GRM8: variants seen among roughly 807,000 people sequenced by gnomAD.
GRM8 encodes glutamate metabotropic receptor 8.
GRM8 carries 47 observed loss-of-function variants against 87.2 expected under a neutral mutation model. The observed-to-expected ratio is 0.54, with a 90% CI of 0.43 to 0.69. GRM8 has a LOEUF of 0.69. Among genes scored for constraint, GRM8 ranks in the 30% least tolerant of loss-of-function variants. GRM8 has a pLI of 0.00. For missense variants in GRM8, 1,019 were observed against 1,139.2 expected, an observed-to-expected ratio of 0.89 and a Z score of 1.52; for synonymous variants, 396 against 404.5, an observed-to-expected ratio of 0.98 and a Z score of 0.25.
intron 3 of GRM8, among the ~76,000 whole-genome samples, chr7:126,970,581 C>T (rs757393274): frequency 6.6e-6 from 1 of 152,116 alleles, no homozygotes; most frequent in Non-Finnish European, 1.5e-5. Context: ...ATCCAAACCA[C>T]AAAAACTTTC....
chr7:126,532,977 A>C lies in GRM8; in HGVS notation c.2405T>G (p.Phe802Cys). 6.2e-7 allele frequency: 1 copy of C among 1,612,452 alleles called. No individual in the cohort carries two copies. Among genetic ancestry groups the C allele is most frequent in the Non-Finnish European group, 8.5e-7 (1 of 1,179,140 alleles). ...IIWLAFIPIF[F>C]GTAQSAEKMY... ...CTTTTCTGCTGACTGGGCTGTACCA[A>C]AAAAGATGGGGATGAAAGCTAACCA... is the stretch of plus-strand genomic sequence containing the variant. The change falls in exon 9 of 11, where the codon TTT becomes TGT. Residue 802 changes from phenylalanine to cysteine, a missense_variant. Physicochemically the swap from Phe to Cys is radical, Grantham distance 205. Transcript: ENST00000339582.
chr7:127,111,459 T>A (rs1035949502), intron 2 of GRM8, among the ~76,000 whole-genome samples: 3 of 152,116 alleles, frequency 2.0e-5, no homozygotes, highest in Non-Finnish European at 4.4e-5. Flanking sequence ...CTTGAAATGG[T>A]AAGTGAAGCT....
chr7:127,061,027 A>G (rs1339688702), intron 3 of GRM8, among the ~76,000 whole-genome samples: 1 of 152,212 alleles, frequency 6.6e-6, no homozygotes, highest in African/African-American at 2.4e-5. Flanking sequence ...GCCTGCCTCC[A>G]TGTTGCACAC....
chr7:126,577,248 A>G (rs1795199191), intron 8 of GRM8, among the ~76,000 whole-genome samples: 1 of 152,176 alleles, frequency 6.6e-6, no homozygotes, highest in Non-Finnish European at 1.5e-5. Flanking sequence ...TCGTTTCTTA[A>G]CATAGCTGAC....
chr7:126,538,930 T>C (rs1229605184), intron 8 of GRM8, among the ~76,000 whole-genome samples: 4 of 152,056 alleles, frequency 2.6e-5, no homozygotes, highest in African/African-American at 9.7e-5. Context: ...TATATGTGTC[T>C]CTCTATATAT....
At chr7:126,836,488 G>T (rs1795838772) in intron 6 of GRM8, among the ~76,000 whole-genome samples, 2 of 151,860 alleles carry the variant, frequency 1.3e-5, no homozygotes, top group Non-Finnish European at 2.9e-5. Flanking sequence ...CTGCTGAGCT[G>T]CCCCCTGCCT....
At chr7:126,516,819 T>C (rs1159057954) in intron 9 of GRM8, among the ~76,000 whole-genome samples, 1 of 152,150 alleles carries the variant, frequency 6.6e-6, no homozygotes, top group South Asian at 2.1e-4. Flanking sequence ...TCAAAGTTAA[T>C]TTCAACTATG....
intron 7 of GRM8, among the ~76,000 whole-genome samples, chr7:126,704,888 C>T (rs186603274): frequency 5.3e-5 from 8 of 152,220 alleles, no homozygotes; most frequent in African/African-American, 1.4e-4. Flanking sequence ...CCTGTGATCT[C>T]GCCCTGCCTC....
intron 8 of GRM8, among the ~76,000 whole-genome samples, chr7:126,593,799 G>C (rs935491580): frequency 6.6e-6 from 1 of 151,932 alleles, no homozygotes; most frequent in African/African-American, 2.4e-5. Flanking sequence ...CAATCAACAA[G>C]AGTGAAGAGA....
intron 8 of GRM8, among the ~76,000 whole-genome samples, chr7:126,574,452 A>G (rs1794942877): frequency 6.6e-6 from 1 of 152,212 alleles, no homozygotes; most frequent in African/African-American, 2.4e-5. Flanking sequence ...AAAGAATGTG[A>G]TGAATTTGGA....
At chr7:126,654,924 T>C (rs1225704041) in intron 7 of GRM8, among the ~76,000 whole-genome samples, 1 of 152,154 alleles carries the variant, frequency 6.6e-6, no homozygotes, top group Non-Finnish European at 1.5e-5. Context: ...AAAAAATTAC[T>C]ATGCCATTGA....
At chr7:126,974,082 CA>C (rs1388940364) in intron 3 of GRM8, among the ~76,000 whole-genome samples, 1 of 152,080 alleles carries the variant, frequency 6.6e-6, no homozygotes, top group African/African-American at 2.4e-5. Flanking sequence ...GTTTCATGAA[CA>C]AAATTATTTA....
intron 3 of GRM8, among the ~76,000 whole-genome samples, chr7:126,990,344 A>G (rs1168824048): frequency 6.6e-6 from 1 of 152,104 alleles, no homozygotes; most frequent in African/African-American, 2.4e-5. Flanking sequence ...TAAAAAAAAA[A>G]AAAGGAGAAA....
intron 7 of GRM8, among the ~76,000 whole-genome samples, chr7:126,746,887 T>C (rs1815759122): frequency 6.6e-6 from 1 of 151,884 alleles, no homozygotes; most frequent in Non-Finnish European, 1.5e-5. Flanking sequence ...TTCAGTTTCA[T>C]ACTTCTATGT....
At chr7:126,597,257 A>C (rs1253733080) in intron 8 of GRM8, among the ~76,000 whole-genome samples, 1 of 152,094 alleles carries the variant, frequency 6.6e-6, no homozygotes, top group Non-Finnish European at 1.5e-5. Flanking sequence ...TGATTCAGTC[A>C]ATAAACATTA....
chr7:127,081,628 G>T (rs1464789355), intron 3 of GRM8, among the ~76,000 whole-genome samples: 1 of 152,206 alleles, frequency 6.6e-6, no homozygotes, highest in Non-Finnish European at 1.5e-5. Flanking sequence ...GAAGGGGAGG[G>T]AGGAGGCAGA....
chr7:126,872,679 G>C (rs549332728), intron 6 of GRM8, among the ~76,000 whole-genome samples: 3 of 152,192 alleles, frequency 2.0e-5, no homozygotes, highest in Non-Finnish European at 2.9e-5. Context: ...AGAATATCCA[G>C]ATTCCCTGCA....
chr7:126,599,341 C>T (rs1797510795), intron 8 of GRM8, among the ~76,000 whole-genome samples: 1 of 152,110 alleles, frequency 6.6e-6, no homozygotes, highest in Non-Finnish European at 1.5e-5. Context: ...TTGACAATGG[C>T]TCCTAGCTCT....
At chr7:126,878,517 TTC>T (rs1179301181) in intron 6 of GRM8, among the ~76,000 whole-genome samples, 1 of 138,318 alleles carries the variant, frequency 7.2e-6, no homozygotes, top group Non-Finnish European at 1.5e-5. Flanking sequence ...CGTCGTCTTC[TTC>T]TTTTTTTTTT....
Sources: allele counts gnomAD v4.1 joint callset (sites outside exome capture counted in the v4.1 genomes callset), GRCh38; gene constraint gnomAD v4.1.1; transcripts MANE v1.5; gene names NCBI Gene and HGNC (gene_info 2026-07-23, HGNC 2026-07-21).